The following PDZD2 variants were observed in gnomAD, a reference collection of about 807,000 sequenced individuals.
The protein encoded by PDZD2 is PDZ domain-containing protein 2.
Under a neutral mutation model 220.7 loss-of-function variants are expected in PDZD2, and 90 were observed. That is an observed-to-expected ratio of 0.41 (90% CI 0.34 to 0.49). The LOEUF is 0.49. PDZD2 is among the 20% of genes least tolerant of loss of function. The pLI is 0.28. For synonymous variants in PDZD2, 1,375 were observed against 1,450.5 expected, an observed-to-expected ratio of 0.95 and a Z score of 1.18; for missense variants, 3,174 against 3,608.5, an observed-to-expected ratio of 0.88 and a Z score of 3.08.
intron 2 of PDZD2, among the ~76,000 whole-genome samples, chr5:31,944,084 TGCA>T (rs1746434188): frequency 1.3e-5 from 2 of 152,256 alleles, no homozygotes; most frequent in Non-Finnish European, 1.5e-5. Flanking sequence ...AACAAGCACA[TGCA>T]GGTTACTACA....
chr5:32,021,334 G>A (rs1159386320), intron 6 of PDZD2, among the ~76,000 whole-genome samples: 2 of 151,644 alleles, frequency 1.3e-5, no homozygotes, highest in African/African-American at 4.9e-5. Flanking sequence ...GCATGATCTC[G>A]GCTCACTGCA....
intron 2 of PDZD2, among the ~76,000 whole-genome samples, chr5:31,858,551 A>G (rs904190737): frequency 6.6e-6 from 1 of 152,170 alleles, no homozygotes; most frequent in African/African-American, 2.4e-5. Flanking sequence ...CCCAAAACAA[A>G]TCTCCTTATT....
At chr5:31,877,811 T>C (rs1353259068) in intron 2 of PDZD2, among the ~76,000 whole-genome samples, 1 of 152,098 alleles carries the variant, frequency 6.6e-6, no homozygotes, top group African/African-American at 2.4e-5. Context: ...TACCTCACCC[T>C]CCCGAGCAGC....
intron 2 of PDZD2, among the ~76,000 whole-genome samples, chr5:31,841,509 C>T (rs1477631403): frequency 6.6e-6 from 1 of 152,164 alleles, no homozygotes. Flanking sequence ...CCCGTCTCAA[C>T]TGAAAATACA....
intron 2 of PDZD2, among the ~76,000 whole-genome samples, chr5:31,896,323 C>CGTGT (rs35229609): frequency 0.04 from 5,462 of 136,404 alleles, 136 homozygotes; most frequent in South Asian, 0.067. Flanking sequence ...TTGATACTCT[C>CGTGT]GTGTGTGTGT....
At chr5:31,697,420 G>A (rs1208789275) in intron 1 of PDZD2, among the ~76,000 whole-genome samples, 1 of 152,198 alleles carries the variant, frequency 6.6e-6, no homozygotes, top group African/African-American at 2.4e-5. Flanking sequence ...CTGAGATCGT[G>A]CCACTGCACT....
chr5:31,891,135 T>TAG (rs1740994939), intron 2 of PDZD2, among the ~76,000 whole-genome samples: 1 of 134,230 alleles, frequency 7.4e-6, no homozygotes, highest in Non-Finnish European at 1.6e-5. Context: ...TCCTTTTTTT[T>TAG]TTTTTTTTTT....
At chr5:31,684,747 G>A (rs11745416) in intron 1 of PDZD2, among the ~76,000 whole-genome samples, 68,105 of 151,802 alleles carry the variant, frequency 0.45, 15,808 homozygotes, top group South Asian at 0.58. Flanking sequence ...TTTTTGTTTC[G>A]TGATGTGTGA....
chr5:31,711,026 C>T (rs7732028), intron 1 of PDZD2, among the ~76,000 whole-genome samples: 80,198 of 152,030 alleles, frequency 0.53, 21,401 homozygotes, highest in African/African-American at 0.6. Flanking sequence ...CGCCTTGTGA[C>T]AGTAACTGTT....
intron 5 of PDZD2, among the ~76,000 whole-genome samples, chr5:32,003,384 C>CTCCTCCACACACACCACACACACACTCCT (rs149402324): frequency 1.2e-5 from 1 of 81,160 alleles, no homozygotes; most frequent in Non-Finnish European, 2.4e-5. Context: ...CACACACACA[C>CTCCTCCACACACACCACACACACACTCCT]CCACACACAC....
chr5:32,074,724 G>A (rs1741126595), intron 18 of PDZD2, 81 bp downstream of exon 18: 2 of 892,712 alleles, frequency 2.2e-6, no homozygotes, highest in Non-Finnish European at 3.4e-6. Flanking sequence ...GTAAAGCATG[G>A]GTAAGCTGCC....
chr5:32,069,629 G>T lies in PDZD2; in HGVS notation c.2512G>T (p.Ala838Ser). The change falls in exon 15 of 25, where the codon GCC (alanine) becomes TCC (serine). Residue 838 changes from alanine to serine, a missense_variant. Coordinates refer to ENST00000438447, the MANE Select transcript of PDZD2 (RefSeq NM_178140.4). ...CAGCACTTATCAGGAGAGCAAAGAGGCCAATTCCTCTCCTGGCTTAGGTAC... is the reference window on the plus strand; with the variant it reads ...CAGCACTTATCAGGAGAGCAAAGAGTCCAATTCCTCTCCTGGCTTAGGTAC... ...ARSTYQESKEANSSPGLGTPL... is the reference protein window; with the variant it reads ...ARSTYQESKESNSSPGLGTPL... 6.4e-7 allele frequency: 1 copy of T among 1,562,302 alleles called. No homozygotes were observed. Among genetic ancestry groups the T allele is most frequent in the Admixed American group, 1.7e-5 (1 of 59,960 alleles).
At chr5:32,016,427 A>T (rs1216530858) in intron 6 of PDZD2, among the ~76,000 whole-genome samples, 1 of 152,240 alleles carries the variant, frequency 6.6e-6, no homozygotes, top group East Asian at 1.9e-4. Flanking sequence ...TAATACAAAG[A>T]ACAATGAATA....
intron 19 of PDZD2, among the ~76,000 whole-genome samples, chr5:32,079,565 G>A (rs1188254190): frequency 6.6e-6 from 1 of 151,982 alleles, no homozygotes; most frequent in Non-Finnish European, 1.5e-5. Context: ...CCAGCACTTT[G>A]GGAGGCTGAG....
Position 32,088,447 on chromosome 5 carries a change from T to C in PDZD2, c.4999T>C (p.Ser1667Pro). The C allele has an allele frequency of 6.2e-7, 1 of 1,614,076 alleles. No homozygotes were observed. Among genetic ancestry groups the C allele is most frequent in the Non-Finnish European group, 8.5e-7 (1 of 1,180,004 alleles). ...TSGPDSSQPS[S>P]LLEMSSQEHE... ...AGGCCCAGACTCTTCCCAGCCATCA[T>C]CACTCTTGGAGATGAGCTCTCAGGA... Residue 1667 changes from serine (S) to proline (P), a missense_variant, in exon 20 of 25, where the codon TCA becomes CCA. By Grantham distance (74) the Ser-to-Pro change is moderately conservative. Coordinates refer to ENST00000438447, the MANE Select transcript of PDZD2 (RefSeq NM_178140.4). The surrounding 1 kb of genome is among the most constrained non-coding windows in gnomAD (Gnocchi z 4.6).
intron 20 of PDZD2, among the ~76,000 whole-genome samples, chr5:32,092,274 G>GAA (rs61474035): frequency 3.5e-5 from 3 of 86,246 alleles, no homozygotes; most frequent in East Asian, 3.1e-4. Flanking sequence ...ACTCAATCTC[G>GAA]AAAAAAAAAA....
At chr5:31,934,344 A>C (rs1205988574) in intron 2 of PDZD2, among the ~76,000 whole-genome samples, 1 of 152,138 alleles carries the variant, frequency 6.6e-6, no homozygotes. Flanking sequence ...TCTTGAATGC[A>C]CACAAAAAAT....
chr5:31,660,768 G>C (rs1745730029), intron 1 of PDZD2, among the ~76,000 whole-genome samples: 1 of 152,124 alleles, frequency 6.6e-6, no homozygotes, highest in Non-Finnish European at 1.5e-5. Context: ...TGCTGCCCAG[G>C]CTGGAGTGCA....
At chr5:31,686,369 T>C (rs1746860770) in intron 1 of PDZD2, among the ~76,000 whole-genome samples, 1 of 151,902 alleles carries the variant, frequency 6.6e-6, no homozygotes, top group South Asian at 2.1e-4. Context: ...AAGTTTTCTT[T>C]TTTTTTTCTT....
Sources: gnomAD v4.1 joint callset for allele counts (sites outside exome capture counted in the v4.1 genomes callset) on GRCh38, gnomAD v4.1.1 for gene constraint, Gnocchi (gnomAD v3.1) non-coding constraint, MANE v1.5 for transcripts, NCBI Gene and HGNC (gene_info 2026-07-23, HGNC 2026-07-21) for gene names.